The following PRDM16 variants were observed in gnomAD, a reference collection of about 807,000 sequenced individuals.
The protein encoded by PRDM16 is histone-lysine N-methyltransferase PRDM16.
A neutral mutation model predicts 110.6 loss-of-function variants in PRDM16; 23 were observed. That is an observed-to-expected ratio of 0.21 (90% CI 0.15 to 0.29). PRDM16 has a LOEUF of 0.29. Among genes scored for constraint, PRDM16 ranks in the 10% least tolerant of loss-of-function variants. The pLI, the probability that PRDM16 is intolerant of heterozygous loss-of-function variation, is 1.00. For missense variants in PRDM16, 1,615 were observed against 1,794.3 expected (o/e 0.90, Z 1.81); for synonymous variants, 799 against 781.8 (o/e 1.02, Z -0.37).
intron 3 of PRDM16, among the ~76,000 whole-genome samples, chr1:3,371,216 C>G (rs143779023): frequency 9.6e-6 from 1 of 103,836 alleles, no homozygotes; most frequent in African/African-American, 4.0e-5. Context: ...CACCCACCCA[C>G]CCATCCACCC....
At chr1:3,373,150 G>A (rs921627446) in intron 3 of PRDM16, among the ~76,000 whole-genome samples, 3 of 152,152 alleles carry the variant, frequency 2.0e-5, no homozygotes, top group Admixed American at 1.3e-4. Flanking sequence ...TCAGAGCTGG[G>A]GTTTCTTGGG....
intron 1 of PRDM16, among the ~76,000 whole-genome samples, chr1:3,130,485 C>T (rs944998969): frequency 2.6e-5 from 4 of 152,208 alleles, no homozygotes; most frequent in Non-Finnish European, 5.9e-5. Context: ...TAGTTGGCCC[C>T]AGAGGCCGTC....
intron 1 of PRDM16, among the ~76,000 whole-genome samples, chr1:3,114,278 A>C: frequency 6.9e-6 from 1 of 145,050 alleles, no homozygotes; most frequent in Admixed American, 6.9e-5. Flanking sequence ...ACACACACGC[A>C]CACACGCAGT....
At chr1:3,156,378 CCT>C (rs1231543062) in intron 1 of PRDM16, among the ~76,000 whole-genome samples, 1 of 152,172 alleles carries the variant, frequency 6.6e-6, no homozygotes, top group Non-Finnish European at 1.5e-5. Flanking sequence ...TGCAGCAAAT[CCT>C]CTCTCTGCCT....
chr1:3,111,855 C>T lies in PRDM16; in HGVS notation c.37+42559C>T, dbSNP rs1475353882. Among the ~76,000 whole-genome samples, 4 of 152,338 alleles carry T rather than the reference C, an allele frequency of 2.6e-5. No individual in the cohort carries two copies. In the East Asian group the frequency reaches 5.8e-4, roughly 22 times the overall value. ...TGGACAGCGCCACGATAATTCACTC[C>T]CCAGCCCGCCCTTTGAAAAGGTGGG... is the stretch of plus-strand genomic sequence containing the variant. On this transcript the variant is annotated intron_variant, in intron 1 of 16. Coordinates refer to ENST00000270722, the MANE Select transcript of PRDM16 (RefSeq NM_022114.4).
rs769306210 is a variant in PRDM16 at position 3,425,720 on chromosome 1, C to T, written c.3079C>T (p.Leu1027Phe). Residue 1027 changes from leucine to phenylalanine, a missense_variant, in exon 13 of 17, where the codon CTC becomes TTC. This residue lies in a region of PRDM16 where 327 missense variants were observed against 359.3 expected (regional missense o/e 0.91). Transcript: ENST00000270722. This position sits in a 1 kb window ranked among gnomAD's most constrained non-coding sequence, Gnocchi z 6.9. ...GCAGCAGACCAACCTGGACCGGCAC[C>T]TCAAGAAGCACGAGCACGAGAACGC... Reference protein sequence around the residue: ...FGQQTNLDRHLKKHEHENAPV... With the variant: ...FGQQTNLDRHFKKHEHENAPV... 1.9e-6 allele frequency: 3 copies of T among 1,613,794 alleles called. No homozygotes were observed. The highest frequency in any genetic ancestry group is 2.5e-6 in the Non-Finnish European group (3 of 1,179,944).
chr1:3,230,241 A>G (rs1156462578), intron 2 of PRDM16, among the ~76,000 whole-genome samples: 1 of 152,218 alleles, frequency 6.6e-6, no homozygotes, highest in Non-Finnish European at 1.5e-5. Flanking sequence ...CCACAAGGCC[A>G]GGCAAGGGTG....
At chr1:3,379,202 G>A (rs1203329179) in intron 3 of PRDM16, among the ~76,000 whole-genome samples, 6 of 79,532 alleles carry the variant, frequency 7.5e-5, no homozygotes, top group Admixed American at 4.3e-4. Context: ...ACCCCTCCCA[G>A]CACACCTCTC....
intron 1 of PRDM16, among the ~76,000 whole-genome samples, chr1:3,151,627 C>T (rs371618199): frequency 1.3e-5 from 2 of 152,228 alleles, no homozygotes; most frequent in African/African-American, 2.4e-5. Context: ...CAGAGGCCAG[C>T]GTCGACACTG....
chr1:3,422,098 TAGGC>T (rs1249850659), intron 12 of PRDM16, among the ~76,000 whole-genome samples: 3 of 113,710 alleles, frequency 2.6e-5, no homozygotes, highest in Non-Finnish European at 5.3e-5. Flanking sequence ...GGAAGGAAGA[TAGGC>T]AGGTGGACAG....
intron 2 of PRDM16, among the ~76,000 whole-genome samples, chr1:3,220,078 TG>T (rs1430453784): frequency 6.6e-6 from 1 of 152,192 alleles, no homozygotes; most frequent in Non-Finnish European, 1.5e-5. Context: ...AGGATCTAAA[TG>T]GGTTTGCCTG....
chr1:3,285,881 C>T (rs2500300), intron 3 of PRDM16, among the ~76,000 whole-genome samples: 12,219 of 152,194 alleles, frequency 0.08, 1,580 homozygotes, highest in African/African-American at 0.27. Context: ...TCATCTCTGC[C>T]GAGCGTGGAG....
chr1:3,418,789 C>A (rs372402516), intron 12 of PRDM16, 45 bp downstream of exon 12: 7 of 1,428,284 alleles, frequency 4.9e-6, no homozygotes, highest in Non-Finnish European at 6.9e-6. Context: ...CCGCCTGCCT[C>A]CGTGCACCGC....
chr1:3,114,338 G>A (rs913068962), intron 1 of PRDM16, among the ~76,000 whole-genome samples: 28 of 126,608 alleles, frequency 2.2e-4, no homozygotes, highest in African/African-American at 5.0e-4. Context: ...GTAAACAGAC[G>A]CGCACGCATG....
Position 3,436,917 on chromosome 1 carries a change from T to G in PRDM16, c.*3106T>G. 2 of 232,820 alleles carry G rather than the reference T, an allele frequency of 8.6e-6. No homozygotes were observed. Among genetic ancestry groups the G allele is most frequent in the Non-Finnish European group, 1.7e-5 (2 of 118,006 alleles). The allele number at this position is 232,820 out of a possible 1,614,324, so 14.4% of individuals were successfully genotyped here. On this transcript the variant is annotated 3_prime_UTR_variant, in exon 17 of 17. Transcript: ENST00000270722. The stretch of plus-strand genomic sequence containing the variant: ...GGATTGTCAACCCCCATCCCCCAAA[T>G]GGAAATTCCGAAGGAGGCCTCCTCG...
intron 3 of PRDM16, among the ~76,000 whole-genome samples, chr1:3,252,609 G>T (rs550445576): frequency 8.7e-4 from 133 of 152,260 alleles, no homozygotes; most frequent in Non-Finnish European, 1.6e-3. Flanking sequence ...CCTGCCCTGG[G>T]GGTGGGGCTG....
intron 3 of PRDM16, among the ~76,000 whole-genome samples, chr1:3,248,473 G>T (rs1195468846): frequency 2.0e-5 from 3 of 152,024 alleles, no homozygotes; most frequent in Non-Finnish European, 2.9e-5. Context: ...TCGTGAATTC[G>T]CATGGGAGGG....
At chr1:3,295,949 C>T (rs975611486) in intron 3 of PRDM16, among the ~76,000 whole-genome samples, 2 of 152,010 alleles carry the variant, frequency 1.3e-5, no homozygotes, top group Non-Finnish European at 2.9e-5. Context: ...CCTGCCCTCC[C>T]CAATCAGAAG....
intron 2 of PRDM16, among the ~76,000 whole-genome samples, chr1:3,226,183 GC>G (rs2100875627): frequency 6.6e-6 from 1 of 152,358 alleles, no homozygotes; most frequent in Non-Finnish European, 1.5e-5. Flanking sequence ...AGAGCTAAGA[GC>G]TGCCAAGAAG....
Sources: gnomAD v4.1 joint callset for allele counts (sites outside exome capture counted in the v4.1 genomes callset) on GRCh38, gnomAD v4.1.1 for gene constraint, gnomAD v4.1.1 regional missense constraint, Gnocchi (gnomAD v3.1) non-coding constraint, MANE v1.5 for transcripts, NCBI Gene and HGNC (gene_info 2026-07-23, HGNC 2026-07-21) for gene names.